TTC23L: variants seen among roughly 807,000 people sequenced by gnomAD.
TTC23L encodes the protein tetratricopeptide repeat protein 23-like.
A neutral mutation model predicts 48.1 loss-of-function variants in TTC23L; 42 were observed. That is an observed-to-expected ratio of 0.87 (90% CI 0.68 to 1.13). The LOEUF is 1.13. Among genes scored for constraint, TTC23L ranks in the 50% most tolerant of loss-of-function variants. The pLI, the probability that TTC23L is intolerant of heterozygous loss-of-function variation, is 0.00. For synonymous variants in TTC23L, 159 were observed against 157.2 expected (o/e 1.01, Z -0.09); for missense variants, 391 against 421.0 (o/e 0.93, Z 0.62).
At chr5:34,915,532 G>T in the TTC23L span, 2 of 542,560 alleles carry the variant, frequency 3.7e-6, no homozygotes, top group Admixed American at 3.8e-5. Flanking sequence ...TCTTCAGACC[G>T]GCCCTCCACC....
the TTC23L span, chr5:34,920,593 T>G: frequency 6.6e-6 from 1 of 152,160 alleles, no homozygotes; most frequent in South Asian, 2.1e-4. Context: ...TAAACAAGGT[T>G]TATAATTTCA....
chr5:34,915,892 T>G, the TTC23L span: 1 of 1,553,538 alleles, frequency 6.4e-7, no homozygotes, highest in South Asian at 1.2e-5. Context: ...AGGCCCCGTT[T>G]GCAAGGTAGG....
chr5:34,858,877 G>A (rs1760341813), intron 4 of TTC23L, among the ~76,000 whole-genome samples: 1 of 152,160 alleles, frequency 6.6e-6, no homozygotes, highest in Admixed American at 6.5e-5. Flanking sequence ...TAAGCCCCTT[G>A]TGGCTCAGCT....
At chr5:34,864,406 G>C (rs1172483803) in intron 5 of TTC23L, 31 bp from the exon 6 acceptor site, 1 of 1,611,846 alleles carries the variant, frequency 6.2e-7, no homozygotes, top group Non-Finnish European at 8.5e-7. Context: ...ATGTTAGTTT[G>C]AGTGCTTGCC....
In TTC23L at chr5:34,839,611, C is replaced by T. The variant is rs574232400; in HGVS notation, c.-8+352C>T. On this transcript the variant is annotated intron_variant, in intron 1 of 10. Transcript: ENST00000505624. ...GGAGGTTAAAAAGAGAAATTAGTGA[C>T]TCTCCCTTTCTGATTTTCGGATAAT... The T allele has an allele frequency of 1.0e-5, 10 of 985,072 alleles. No homozygotes were observed. The South Asian group carries it at 4.2e-4, about 42-fold the overall frequency. The allele number at this position is 985,072 out of a possible 1,614,324, so 61.0% of individuals were successfully genotyped here.
At chr5:34,890,325 G>A (rs536108028) in intron 9 of TTC23L, among the ~76,000 whole-genome samples, 3 of 151,050 alleles carry the variant, frequency 2.0e-5, no homozygotes, top group Non-Finnish European at 4.4e-5. Flanking sequence ...TGTGCCTGTG[G>A]TCCCAGCTAC....
chr5:34,849,014 G>C (rs1759452408), intron 3 of TTC23L, among the ~76,000 whole-genome samples: 1 of 152,148 alleles, frequency 6.6e-6, no homozygotes, highest in South Asian at 2.1e-4. Context: ...ACAATTAGAG[G>C]ATGCTAGTGA....
At chr5:34,922,833 A>G in the TTC23L span, 47 of 1,441,290 alleles carry the variant, frequency 3.3e-5, no homozygotes, top group African/African-American at 5.9e-4. Context: ...TTTAGTAGAT[A>G]TAGTTGTGTT....
At position 34,868,808 on chromosome 5, in the gene TTC23L, G is replaced by C. The variant is rs114766906; in HGVS notation, c.841-97G>C. ...TTACTTGCACAAGACTCATAGCTAG[G>C]AAGTGGCAGAGCTGGGACTCAAACT... On this transcript the variant is annotated intron_variant, in intron 7 of 10. Coordinates refer to ENST00000505624, the Ensembl canonical transcript of TTC23L. The C allele has an allele frequency of 5.0e-4, 470 of 945,256 alleles. 4 individuals carry two copies. In the African/African-American group the frequency reaches 7.0e-3, roughly 14 times the overall value. The allele number at this position is 945,256 out of a possible 1,614,324, so 58.6% of individuals were successfully genotyped here. A position where few individuals can be genotyped will look rare whatever the true frequency, so the allele number is the denominator to read the frequency against.
chr5:34,861,889 C>T (rs577745085), intron 4 of TTC23L, among the ~76,000 whole-genome samples: 100 of 152,142 alleles, frequency 6.6e-4, no homozygotes, highest in Non-Finnish European at 1.1e-3. Context: ...CCAAGTCTAC[C>T]TCTGTTGACT....
the TTC23L span, chr5:34,919,057 C>T: frequency 2.0e-5 from 3 of 148,956 alleles, no homozygotes; most frequent in Admixed American, 2.0e-4. Context: ...TCCAGACCAT[C>T]CTGGGCAACA....
At chr5:34,897,963 G>T (rs1763334664) in intron 10 of TTC23L, among the ~76,000 whole-genome samples, 1 of 152,204 alleles carries the variant, frequency 6.6e-6, no homozygotes, top group African/African-American at 2.4e-5. Flanking sequence ...GTTAAGAGCT[G>T]TAGTTCTGGA....
intron 9 of TTC23L, among the ~76,000 whole-genome samples, chr5:34,889,803 T>C (rs894697062): frequency 3.3e-5 from 5 of 152,124 alleles, no homozygotes; most frequent in African/African-American, 9.7e-5. Flanking sequence ...CTTTTTCTGA[T>C]TTATAAACCA....
chr5:34,901,785 CAAAA>C (rs368067965), downstream of TTC23L, among the ~76,000 whole-genome samples: 180 of 152,140 alleles, frequency 1.2e-3, no homozygotes, highest in African/African-American at 4.2e-3. Context: ...AAAACAACAA[CAAAA>C]GAAACTAGGG....
At chr5:34,923,084 T>C in the TTC23L span, 947 of 1,575,306 alleles carry the variant, frequency 6.0e-4, no homozygotes, top group Non-Finnish European at 7.8e-4. Context: ...ATCCAAAATA[T>C]ACATGATATA....
Position 34,886,378 on chromosome 5 carries a change from A to C in TTC23L, c.1077+6070A>C, listed in dbSNP as rs557283498. Among the ~76,000 whole-genome samples, 1,028 of 151,866 alleles carry C rather than the reference A, an allele frequency of 6.8e-3. 9 individuals are homozygous for C. Among genetic ancestry groups the C allele is most frequent in the African/African-American group, 0.023 (959 of 41,354 alleles). On this transcript the variant is annotated intron_variant, in intron 9 of 10. Transcript: ENST00000505624. ...CAGGCTGATTTAAAAAAAAAAAAAA[A>C]AAAAACGTTTTATCCCTCAGGAGGC...
chr5:34,922,854 G>A, the TTC23L span: 6 of 1,354,944 alleles, frequency 4.4e-6, no homozygotes, highest in Non-Finnish European at 6.3e-6. Flanking sequence ...ATTCAATTTA[G>A]TTTCACCCCC....
chr5:34,880,092 A>G, intron 8 of TTC23L, 89 bp from the exon 9 acceptor site: 1 of 1,473,640 alleles, frequency 6.8e-7, no homozygotes, highest in Non-Finnish European at 9.2e-7. Flanking sequence ...ATGGACTTTA[A>G]GCATGAAAAT....
At chr5:34,884,473 TTC>T (rs1368017302) in intron 9 of TTC23L, among the ~76,000 whole-genome samples, 7 of 151,990 alleles carry the variant, frequency 4.6e-5, no homozygotes, top group East Asian at 1.9e-4. Flanking sequence ...GTAGAATTAT[TTC>T]TGTTTGCAGA....
Sources: allele counts gnomAD v4.1 joint callset (sites outside exome capture counted in the v4.1 genomes callset), GRCh38; gene constraint gnomAD v4.1.1; transcripts MANE v1.5; gene names NCBI Gene and HGNC (gene_info 2026-07-23, HGNC 2026-07-21).